RNF4: variants seen among roughly 807,000 people sequenced by gnomAD.
RNF4 encodes the protein E3 ubiquitin-protein ligase RNF4.
RNF4 carries 7 observed loss-of-function variants against 24.3 expected under a neutral mutation model. The observed-to-expected ratio is 0.29, with a 90% CI of 0.16 to 0.54. The LOEUF is 0.54. RNF4 is among the 20% of genes least tolerant of loss of function. The pLI, the probability that RNF4 is intolerant of heterozygous loss-of-function variation, is 0.95. For synonymous variants in RNF4, 83 were observed against 84.3 expected, an observed-to-expected ratio of 0.98 and a Z score of 0.09; for missense variants, 209 against 248.5, an observed-to-expected ratio of 0.84 and a Z score of 1.07.
At chr4:2,498,181 GTT>G (rs556156365) in intron 3 of RNF4, among the ~76,000 whole-genome samples, 72 of 152,160 alleles carry the variant, frequency 4.7e-4, no homozygotes, top group African/African-American at 1.5e-3. Flanking sequence ...TTAGAGCACT[GTT>G]TTGTTTTTGT....
intron 1 of RNF4, among the ~76,000 whole-genome samples, chr4:2,475,929 A>T (rs569548454): frequency 6.6e-6 from 1 of 152,226 alleles, no homozygotes; most frequent in South Asian, 2.1e-4. Flanking sequence ...AGGCTTTGTT[A>T]TGTCATCTGC....
chr4:2,474,897 C>T (rs1051082191), intron 1 of RNF4, among the ~76,000 whole-genome samples: 1 of 152,114 alleles, frequency 6.6e-6, no homozygotes, highest in Non-Finnish European at 1.5e-5. Flanking sequence ...CGTGGTGGGG[C>T]ATGCCTGTAA....
At chr4:2,493,841 T>A (rs969975036) in intron 2 of RNF4, among the ~76,000 whole-genome samples, 45 of 151,966 alleles carry the variant, frequency 3.0e-4, no homozygotes, top group African/African-American at 1.0e-3. Context: ...TATTTTCATT[T>A]ATTTATTATT....
intron 2 of RNF4, among the ~76,000 whole-genome samples, chr4:2,491,380 G>T (rs1015558951): frequency 5.3e-5 from 8 of 152,114 alleles, no homozygotes; most frequent in African/African-American, 1.9e-4. Context: ...GCGATTACAG[G>T]CATGCACCTC....
At chr4:2,490,266 A>G (rs1017187597) in intron 1 of RNF4, 71 bp from the exon 2 acceptor site, 7 of 550,672 alleles carry the variant, frequency 1.3e-5, no homozygotes, top group African/African-American at 9.4e-5. Context: ...GGACCAGTAC[A>G]TTATTGAGCT....
chr4:2,472,449 T>TA (rs1371013811), intron 1 of RNF4, among the ~76,000 whole-genome samples: 1 of 152,024 alleles, frequency 6.6e-6, no homozygotes, highest in Non-Finnish European at 1.5e-5. Context: ...TCTCAAATCT[T>TA]ACTTAAGAAA....
chr4:2,475,794 G>C (rs1182773144), intron 1 of RNF4, among the ~76,000 whole-genome samples: 1 of 152,142 alleles, frequency 6.6e-6, no homozygotes, highest in Non-Finnish European at 1.5e-5. Flanking sequence ...AGTTGTTGTA[G>C]TTAGCCCCAT....
At chr4:2,502,161 C>A (rs1259336519) in intron 4 of RNF4, among the ~76,000 whole-genome samples, 1 of 152,182 alleles carries the variant, frequency 6.6e-6, no homozygotes, top group Non-Finnish European at 1.5e-5. Flanking sequence ...TTGGTTTCAC[C>A]AGTTGCTCAT....
In RNF4 at chr4:2,476,704, C is replaced by CTT. The variant is rs72435381; in HGVS notation, c.-158+7461_-158+7462dup. On this transcript the variant is annotated intron_variant, in intron 1 of 7. Coordinates refer to ENST00000314289, the MANE Select transcript of RNF4 (RefSeq NM_002938.5). ...CCACGTCCAGCCCTTTTCTTTCTTT[C>CTT]TTTTTTTTTTTTTTTTAATTTAAGA... Among the ~76,000 whole-genome samples, 299 of 136,546 alleles carry CTT rather than the reference C, an allele frequency of 2.2e-3. 1 individual carries two copies. The highest frequency in any genetic ancestry group is 4.1e-3 in the African/African-American group (155 of 37,562). The allele number at this position is 136,546 out of a possible 152,430, so 89.6% of individuals were successfully genotyped here. A position where few individuals can be genotyped will look rare whatever the true frequency, so the allele number is the denominator to read the frequency against.
In RNF4 at chr4:2,512,056, C is replaced by G. The variant is rs773600299; in HGVS notation, c.214+91C>G. Reference sequence around the variant, plus strand: ...TGCTGCAGGTCTTGCCAGACCATCCCCAAGGGCTTGGAGCGCTCCAAGCAG... The same window carrying G: ...TGCTGCAGGTCTTGCCAGACCATCCGCAAGGGCTTGGAGCGCTCCAAGCAG... On this transcript the variant is annotated intron_variant, in intron 5 of 7. Coordinates refer to ENST00000314289, the MANE Select transcript of RNF4 (RefSeq NM_002938.5). The surrounding 1 kb of genome is among the most constrained non-coding windows in gnomAD (Gnocchi z 4.1). 1 of 1,291,626 alleles carries G rather than the reference C, an allele frequency of 7.7e-7. No individual in the cohort carries two copies. Among genetic ancestry groups the G allele is most frequent in the South Asian group, 1.3e-5 (1 of 77,488 alleles). 80.0% of individuals were successfully genotyped at this position (1,291,626 alleles called of 1,614,324 possible). A position where few individuals can be genotyped will look rare whatever the true frequency, so the allele number is the denominator to read the frequency against.
intron 1 of RNF4, among the ~76,000 whole-genome samples, chr4:2,478,260 A>G (rs1735138901): frequency 6.6e-6 from 1 of 152,254 alleles, no homozygotes; most frequent in South Asian, 2.1e-4. Flanking sequence ...GCAGAGCATA[A>G]AAGTTTGGAA....
intron 1 of RNF4, chr4:2,469,723 G>T (rs1193956428): frequency 6.6e-6 from 1 of 152,298 alleles, no homozygotes; most frequent in Non-Finnish European, 1.5e-5. Flanking sequence ...GCCGCGTGGC[G>T]GGGCCTTTTG....
At chr4:2,496,926 A>G in intron 2 of RNF4, 81 bp from the exon 3 acceptor site, 1 of 1,017,334 alleles carries the variant, frequency 9.8e-7, no homozygotes, top group South Asian at 1.6e-5. Flanking sequence ...GAAGTGAACC[A>G]TTTCTATTGC....
rs76268614 is a variant in RNF4, at chr4:2,506,727, C to G, written c.205-5229C>G. On this transcript the variant is annotated intron_variant, in intron 4 of 7. Coordinates refer to ENST00000314289, the MANE Select transcript of RNF4 (RefSeq NM_002938.5). ...GGACTATAGGGGTATGTCACCATCC[C>G]TGGCTGATTTTTTATATTTTTTTGG... 4.6e-3 allele frequency among the ~76,000 whole-genome samples: 705 copies of G among 152,168 alleles called. 42 individuals carry two copies. The East Asian group carries it at 0.12, about 25-fold the overall frequency.
At chr4:2,483,741 C>T (rs1735311790) in intron 1 of RNF4, among the ~76,000 whole-genome samples, 1 of 151,964 alleles carries the variant, frequency 6.6e-6, no homozygotes. Context: ...GAGGTGGAGG[C>T]TGCAGTCAGC....
At chr4:2,473,804 C>CT (rs1400095397) in intron 1 of RNF4, among the ~76,000 whole-genome samples, 1 of 151,240 alleles carries the variant, frequency 6.6e-6, no homozygotes, top group Non-Finnish European at 1.5e-5. Context: ...GAGCGAGACT[C>CT]TGTCTAGAAA....
chr4:2,473,639 G>A lies in RNF4; in HGVS notation c.-158+4381G>A, dbSNP rs554431862. On this transcript the variant is annotated intron_variant, in intron 1 of 7. Transcript: ENST00000314289. ...CAGCCTGGCCAGATGGTGAAACCCC[G>A]TCTCTACTAAAAATACAAAAAATTA... 1.8e-4 allele frequency among the ~76,000 whole-genome samples: 27 copies of A among 151,350 alleles called. No homozygotes were observed. The South Asian group carries it at 2.7e-3, about 15-fold the overall frequency.
chr4:2,471,130 T>G (rs1734893493), intron 1 of RNF4: 1 of 151,886 alleles, frequency 6.6e-6, no homozygotes, highest in Admixed American at 6.6e-5. Context: ...CCACACCCAG[T>G]TAATTTTTGT....
chr4:2,488,084 A>G (rs1735465482), intron 1 of RNF4, among the ~76,000 whole-genome samples: 1 of 152,210 alleles, frequency 6.6e-6, no homozygotes, highest in Admixed American at 6.5e-5. Context: ...TAGATTCTGC[A>G]CAGAGGCTGT....
Sources: allele counts gnomAD v4.1 joint callset (sites outside exome capture counted in the v4.1 genomes callset), GRCh38; gene constraint gnomAD v4.1.1; non-coding constraint Gnocchi (gnomAD v3.1); transcripts MANE v1.5; gene names NCBI Gene and HGNC (gene_info 2026-07-23, HGNC 2026-07-21).